PRTG: variants seen among roughly 807,000 people sequenced by gnomAD.
The protein encoded by PRTG is immunoglobulin superfamily, DCC subclass, member 5.
PRTG carries 67 observed loss-of-function variants against 122.5 expected under a neutral mutation model. The ratio of observed to expected loss-of-function variants is 0.55; its 90% confidence interval spans 0.45 to 0.67. The LOEUF is 0.67. Ranked by LOEUF, PRTG falls within the 30% of genes least tolerant of loss-of-function variation. The probability of loss-of-function intolerance (pLI) is 0.00; values close to 1 mark genes in which losing one functional copy is unlikely to be tolerated. For synonymous variants in PRTG, 554 were observed against 501.1 expected (o/e 1.11, Z -1.41); for missense variants, 1,435 against 1,415.4 (o/e 1.01, Z -0.22).
At chr15:55,707,956 C>T (rs767262930) in intron 2 of PRTG, among the ~76,000 whole-genome samples, 2 of 151,996 alleles carry the variant, frequency 1.3e-5, no homozygotes, top group Non-Finnish European at 2.9e-5. Context: ...GAAATGATCA[C>T]CAGTGGGATC....
At chr15:55,669,706 A>G (rs1318854096) in intron 11 of PRTG, among the ~76,000 whole-genome samples, 1 of 152,194 alleles carries the variant, frequency 6.6e-6, no homozygotes, top group African/African-American at 2.4e-5. Flanking sequence ...ACTTGAATCC[A>G]CACAACTGCA....
At chr15:55,693,387 C>T (rs999297313) in intron 2 of PRTG, among the ~76,000 whole-genome samples, 11 of 151,422 alleles carry the variant, frequency 7.3e-5, no homozygotes, top group Middle Eastern at 3.4e-3. Context: ...ACCCAGAAGG[C>T]GGAGGTTGCA....
chr15:55,727,813 A>G (rs1288177645), intron 2 of PRTG, among the ~76,000 whole-genome samples: 2 of 152,132 alleles, frequency 1.3e-5, no homozygotes, highest in East Asian at 3.9e-4. Context: ...AAAAAGAAAC[A>G]CCCAACAGTG....
In PRTG at chr15:55,613,787, G is replaced by A. The variant is rs2059130897; in HGVS notation, c.*6225C>T. On this transcript the variant is annotated 3_prime_UTR_variant, in exon 20 of 20. Transcript: ENST00000389286. ...TTTTTTTTTTTTTTTTTTTTAAGCTGAGACAATGTATCATAGTCCTATACA... is the reference window on the plus strand; with the variant it reads ...TTTTTTTTTTTTTTTTTTTTAAGCTAAGACAATGTATCATAGTCCTATACA... 1.5e-5 allele frequency: 2 copies of A among 130,984 alleles called. No individual in the cohort carries two copies. Among genetic ancestry groups the A allele is most frequent in the South Asian group, 4.8e-4 (2 of 4,198 alleles). The allele number at this position is 130,984 out of a possible 1,614,324, so 8.1% of individuals were successfully genotyped here.
rs541437463 is a variant in PRTG, at chr15:55,698,949, C to T, written c.398-15018G>A. Among the ~76,000 whole-genome samples the T allele has an allele frequency of 5.3e-5, 8 of 152,138 alleles. 1 individual carries two copies. The highest frequency in any genetic ancestry group is 7.4e-5 in the Non-Finnish European group (5 of 67,990). On this transcript the variant is annotated intron_variant, in intron 2 of 19. Coordinates refer to ENST00000389286, the MANE Select transcript of PRTG (RefSeq NM_173814.6). The stretch of plus-strand genomic sequence containing the variant: ...GCTCTTCCCCTTCTTCTCATAACTG[C>T]GCATGACTAGTCTAGAAAACAAAAC...
intron 11 of PRTG, among the ~76,000 whole-genome samples, chr15:55,658,137 G>A (rs2059390249): frequency 6.6e-6 from 1 of 152,024 alleles, no homozygotes; most frequent in Non-Finnish European, 1.5e-5. Flanking sequence ...ATGACATCAG[G>A]AGCATTCAGG....
chr15:55,702,411 C>T (rs1394361243), intron 2 of PRTG, among the ~76,000 whole-genome samples: 7 of 152,138 alleles, frequency 4.6e-5, no homozygotes, highest in African/African-American at 1.7e-4. Context: ...CACAGCACCA[C>T]AGATAGAAAA....
At chr15:55,705,457 C>A (rs1284145818) in intron 2 of PRTG, among the ~76,000 whole-genome samples, 1 of 152,146 alleles carries the variant, frequency 6.6e-6, no homozygotes, top group Non-Finnish European at 1.5e-5. Context: ...TTGTCTTCCC[C>A]TTTCTACTTA....
At chr15:55,710,417 T>C (rs1242805235) in intron 2 of PRTG, among the ~76,000 whole-genome samples, 1 of 152,216 alleles carries the variant, frequency 6.6e-6, no homozygotes, top group Admixed American at 6.5e-5. Context: ...AAACTGTTAT[T>C]TGTAGCACTT....
chr15:55,629,401 G>T (rs71399481), intron 15 of PRTG, among the ~76,000 whole-genome samples: 4,341 of 112,184 alleles, frequency 0.039, 131 homozygotes, highest in South Asian at 0.078. Flanking sequence ...GTGTGTGTGT[G>T]TGTGTGTGTG....
At chr15:55,691,695 A>G (rs1048725501) in intron 2 of PRTG, among the ~76,000 whole-genome samples, 1 of 151,820 alleles carries the variant, frequency 6.6e-6, no homozygotes, top group African/African-American at 2.4e-5. Context: ...AAAAAAAAAA[A>G]AGAATATGTG....
chr15:55,718,099 C>A (rs573930120), intron 2 of PRTG, among the ~76,000 whole-genome samples: 1 of 152,138 alleles, frequency 6.6e-6, no homozygotes, highest in Admixed American at 6.5e-5. Context: ...TCTTCTCCAA[C>A]CTCTCTCACT....
rs535778939 is a variant in PRTG, at chr15:55,626,765, TAAAAG to T, written c.2927+238_2927+242del. 8.6e-3 allele frequency among the ~76,000 whole-genome samples: 1,273 copies of T among 148,076 alleles called. 17 individuals carry two copies. The highest frequency in any genetic ancestry group is 0.03 in the African/African-American group (1,214 of 40,130). ...AGTGTGAGACTCCGTCTCAAAAAAA[TAAAAG>T]AAAAGAAAAAAGAAAAAAAAAGAAT... On this transcript the variant is annotated intron_variant, in intron 17 of 19. Transcript: ENST00000389286.
At chr15:55,696,756 A>T (rs781720575) in intron 2 of PRTG, among the ~76,000 whole-genome samples, 2 of 152,226 alleles carry the variant, frequency 1.3e-5, no homozygotes, top group Non-Finnish European at 2.9e-5. Context: ...CCATTCTATA[A>T]GTGGTTTATT....
intron 2 of PRTG, among the ~76,000 whole-genome samples, chr15:55,698,560 G>A (rs1308777667): frequency 6.6e-6 from 1 of 152,138 alleles, no homozygotes; most frequent in Non-Finnish European, 1.5e-5. Flanking sequence ...CAAAGTGCTG[G>A]GATTACAGGC....
intron 2 of PRTG, among the ~76,000 whole-genome samples, chr15:55,720,841 G>A (rs1377573581): frequency 1.3e-5 from 2 of 152,180 alleles, no homozygotes; most frequent in Non-Finnish European, 2.9e-5. Flanking sequence ...GAACATTTAT[G>A]AATTTGTGTT....
At chr15:55,703,867 A>C (rs763250582) in intron 2 of PRTG, among the ~76,000 whole-genome samples, 1 of 152,174 alleles carries the variant, frequency 6.6e-6, no homozygotes, top group Non-Finnish European at 1.5e-5. Context: ...GACATCCCCA[A>C]CTGGGACTTT....
chr15:55,679,032 T>C (rs1298530814), intron 7 of PRTG, among the ~76,000 whole-genome samples: 1 of 152,080 alleles, frequency 6.6e-6, no homozygotes, highest in African/African-American at 2.4e-5. Flanking sequence ...AACCCTGGAG[T>C]TTGGGGAACT....
intron 2 of PRTG, among the ~76,000 whole-genome samples, chr15:55,710,625 A>G (rs1277288826): frequency 6.6e-6 from 1 of 152,178 alleles, no homozygotes; most frequent in Non-Finnish European, 1.5e-5. Flanking sequence ...TATTCACTAC[A>G]GGAATGTTCA....
Sources: gnomAD v4.1 joint callset for allele counts (sites outside exome capture counted in the v4.1 genomes callset) on GRCh38, gnomAD v4.1.1 for gene constraint, MANE v1.5 for transcripts, NCBI Gene and HGNC (gene_info 2026-07-23, HGNC 2026-07-21) for gene names.